MARCHF3: variants seen among roughly 807,000 people sequenced by gnomAD.
MARCHF3 encodes E3 ubiquitin-protein ligase MARCHF3.
A neutral mutation model predicts 24.2 loss-of-function variants in MARCHF3; 13 were observed. The ratio of observed to expected loss-of-function variants is 0.54; its 90% CI spans 0.35 to 0.85. MARCHF3 has a LOEUF of 0.85. MARCHF3 is among the 40% of genes least tolerant of loss of function. The pLI is 0.01. For synonymous variants in MARCHF3, 144 were observed against 137.3 expected, an observed-to-expected ratio of 1.05 and a Z score of -0.34; for missense variants, 276 against 325.0, an observed-to-expected ratio of 0.85 and a Z score of 1.16.
At chr5:126,970,546 T>C (rs1750973385) in intron 1 of MARCHF3, among the ~76,000 whole-genome samples, 1 of 152,126 alleles carries the variant, frequency 6.6e-6, no homozygotes, top group Non-Finnish European at 1.5e-5. Context: ...AGGAATGCTA[T>C]TCAGGAACAT....
intron 1 of MARCHF3, among the ~76,000 whole-genome samples, chr5:126,969,732 A>G (rs1750936203): frequency 6.6e-6 from 1 of 152,194 alleles, no homozygotes; most frequent in Non-Finnish European, 1.5e-5. Context: ...AATCACCTGG[A>G]GAGTTTATAA....
rs569080094 is a variant in MARCHF3 at position 126,975,844 on chromosome 5, A to C, written c.-57+54506T>G. ...TGGATGCACCCAAAGTGAATCAACA[A>C]AATTTAAAGTCCTTTGAATAGATCA... On this transcript the variant is annotated intron_variant, in intron 1 of 4. Coordinates refer to ENST00000308660, the MANE Select transcript of MARCHF3 (RefSeq NM_178450.5). Among the ~76,000 whole-genome samples the C allele has an allele frequency of 3.3e-4, 50 of 152,378 alleles. 1 individual carries two copies. Among genetic ancestry groups the C allele is most frequent in the African/African-American group, 1.1e-3 (47 of 41,584 alleles).
chr5:126,981,458 T>C (rs7721948), intron 1 of MARCHF3, among the ~76,000 whole-genome samples: 6 of 152,124 alleles, frequency 3.9e-5, no homozygotes, highest in Non-Finnish European at 2.9e-5. Context: ...GTAAGACGAG[T>C]CTTCTGAGAC....
rs186540360 is a variant in MARCHF3 at position 126,925,596 on chromosome 5, A to T, written c.-56-7369T>A. On this transcript the variant is annotated intron_variant, in intron 1 of 4. Transcript: ENST00000308660. Reference sequence around the variant, plus strand: ...TATATAGATGAAAATGGCAATTAAAAATCCCACAACAATGCTATGTGTTCA... The same window carrying T: ...TATATAGATGAAAATGGCAATTAAATATCCCACAACAATGCTATGTGTTCA... Among the ~76,000 whole-genome samples, 164 of 152,316 alleles carry T rather than the reference A, an allele frequency of 1.1e-3. 2 individuals are homozygous for T. Among genetic ancestry groups the T allele is most frequent in the African/African-American group, 3.7e-3 (155 of 41,566 alleles).
chr5:126,884,196 A>G (rs1753432989), intron 3 of MARCHF3, among the ~76,000 whole-genome samples: 1 of 152,212 alleles, frequency 6.6e-6, no homozygotes, highest in African/African-American at 2.4e-5. Context: ...ATTGAAGATG[A>G]AAGTTGAAAA....
intron 1 of MARCHF3, among the ~76,000 whole-genome samples, chr5:126,932,459 T>A (rs1749509270): frequency 6.6e-6 from 1 of 151,830 alleles, no homozygotes; most frequent in South Asian, 2.1e-4. Flanking sequence ...ATTATTAGAG[T>A]ATTATAGAAG....
chr5:126,957,597 T>C (rs1750492534), intron 1 of MARCHF3, among the ~76,000 whole-genome samples: 1 of 152,170 alleles, frequency 6.6e-6, no homozygotes, highest in South Asian at 2.1e-4. Flanking sequence ...CTTCTTTATT[T>C]ATATGTCATC....
chr5:126,938,192 CA>C lies in MARCHF3; in HGVS notation c.-56-19966del. ...TTTTTTTTTTTTTTTTTTTTTGAGA[CA>C]GTCTTGCTCTGCCGCCCAGGCTGGG... is the stretch of plus-strand genomic sequence containing the variant. On this transcript the variant is annotated intron_variant, in intron 1 of 4. Transcript: ENST00000308660. Among the ~76,000 whole-genome samples, 2 of 120,200 alleles carry C rather than the reference CA, an allele frequency of 1.7e-5. 1 individual carries two copies. Among genetic ancestry groups the C allele is most frequent in the Admixed American group, 2.0e-4 (2 of 9,856 alleles). The allele number at this position is 120,200 out of a possible 152,430, so 78.9% of individuals were successfully genotyped here.
At chr5:126,956,892 CT>C (rs1410879168) in intron 1 of MARCHF3, among the ~76,000 whole-genome samples, 5 of 152,034 alleles carry the variant, frequency 3.3e-5, no homozygotes, top group Non-Finnish European at 2.9e-5. Flanking sequence ...TTTAAAACAT[CT>C]CTTTGAATTG....
At chr5:126,962,870 T>C (rs1750687216) in intron 1 of MARCHF3, among the ~76,000 whole-genome samples, 1 of 151,200 alleles carries the variant, frequency 6.6e-6, no homozygotes, top group African/African-American at 2.4e-5. Flanking sequence ...TAACTATATG[T>C]TTTCAATAGT....
chr5:126,964,678 A>G (rs548872236), intron 1 of MARCHF3, among the ~76,000 whole-genome samples: 1 of 152,368 alleles, frequency 6.6e-6, no homozygotes, highest in South Asian at 2.1e-4. Context: ...GCTGGGGTCC[A>G]CATTGCAGAT....
intron 1 of MARCHF3, among the ~76,000 whole-genome samples, chr5:126,966,080 G>A (rs1750804249): frequency 6.6e-6 from 1 of 152,148 alleles, no homozygotes; most frequent in South Asian, 2.1e-4. Context: ...TAAAGAAGCT[G>A]GACACAAGAA....
Position 126,868,337 on chromosome 5 carries a change from G to A in MARCHF3, c.*2296C>T, listed in dbSNP as rs1752837402. 1 of 152,286 alleles carries A rather than the reference G, an allele frequency of 6.6e-6. No individual in the cohort carries two copies. Among genetic ancestry groups the A allele is most frequent in the South Asian group, 2.1e-4 (1 of 4,830 alleles). 9.4% of individuals were successfully genotyped at this position (152,286 alleles called of 1,614,324 possible). A position where few individuals can be genotyped will look rare whatever the true frequency, so the allele number is the denominator to read the frequency against. On this transcript the variant is annotated 3_prime_UTR_variant, in exon 5 of 5. Coordinates refer to ENST00000308660, the MANE Select transcript of MARCHF3 (RefSeq NM_178450.5). ...CCCAAGCTGGTGACCTGGGAAGGGA[G>A]GCACTGATGCTCTGCCTGGCTGCCA...
At chr5:126,943,572 GATCTC>G (rs1287983521) in intron 1 of MARCHF3, among the ~76,000 whole-genome samples, 1 of 146,766 alleles carries the variant, frequency 6.8e-6, no homozygotes, top group Non-Finnish European at 1.5e-5. Flanking sequence ...GACAGAAAAA[GATCTC>G]ATCTCCAAAA....
chr5:126,982,185 T>C (rs747966697), intron 1 of MARCHF3, among the ~76,000 whole-genome samples: 15 of 152,142 alleles, frequency 9.9e-5, no homozygotes, highest in Non-Finnish European at 2.1e-4. Context: ...TAACTCTCTA[T>C]CTCCCGCCTC....
chr5:126,990,303 T>C (rs1359166831), intron 1 of MARCHF3, among the ~76,000 whole-genome samples: 5 of 152,104 alleles, frequency 3.3e-5, no homozygotes, highest in Admixed American at 6.6e-5. Flanking sequence ...GGGAAAGGAT[T>C]CCCTATGTAA....
intron 3 of MARCHF3, chr5:126,899,025 A>G (rs745713512): frequency 5.9e-5 from 58 of 985,338 alleles, no homozygotes; most frequent in Non-Finnish European, 6.9e-5. Context: ...ACAAGCACCA[A>G]CATAACCTTC....
At chr5:126,894,361 A>G (rs1753798542) in intron 3 of MARCHF3, among the ~76,000 whole-genome samples, 1 of 150,878 alleles carries the variant, frequency 6.6e-6, no homozygotes, top group Non-Finnish European at 1.5e-5. Context: ...TTTGCTCGTT[A>G]GTTGCAGTTT....
intron 1 of MARCHF3, among the ~76,000 whole-genome samples, chr5:127,019,266 T>C (rs78569816): frequency 0.016 from 2,432 of 152,234 alleles, 61 homozygotes; most frequent in African/African-American, 0.055. Flanking sequence ...ATGAGGAGAA[T>C]TTCATAGTTA....
Sources: allele counts gnomAD v4.1 joint callset (sites outside exome capture counted in the v4.1 genomes callset), GRCh38; gene constraint gnomAD v4.1.1; transcripts MANE v1.5; gene names NCBI Gene and HGNC (gene_info 2026-07-23, HGNC 2026-07-21).